APAF1: variants seen among roughly 807,000 people sequenced by gnomAD.
APAF1 encodes the protein apoptotic protease-activating factor 1.
Under a neutral mutation model 152.4 loss-of-function variants are expected in APAF1, and 91 were observed. The ratio of observed to expected loss-of-function variants is 0.60; its 90% CI spans 0.50 to 0.71. The LOEUF (loss-of-function observed/expected upper bound fraction) is 0.71, where lower values mean the gene tolerates loss of function less well. APAF1 is among the 30% of genes least tolerant of loss of function. The pLI, the probability that APAF1 is intolerant of heterozygous loss-of-function variation, is 0.00. For synonymous variants in APAF1, 484 were observed against 494.1 expected (o/e 0.98, Z 0.27); for missense variants, 1,283 against 1,472.0 (o/e 0.87, Z 2.10).
chr12:98,674,480 C>G (rs1037111625), intron 12 of APAF1, among the ~76,000 whole-genome samples: 4 of 152,106 alleles, frequency 2.6e-5, no homozygotes, highest in Admixed American at 6.5e-5. Flanking sequence ...AGCCCCCTAA[C>G]TTACTGAAGC....
rs767120982 is a variant in APAF1, at chr12:98,680,354, T to C, written c.1998T>C (p.Ser666=). 5.0e-6 allele frequency: 8 copies of C among 1,613,670 alleles called. No individual in the cohort carries two copies. The highest frequency in any genetic ancestry group is 6.8e-6 in the Non-Finnish European group (8 of 1,179,888). ...ATGAAGTGCTTTGTTGTGCATTCTC[T>C]ACAGATGACAGATTTATAGCAACCT... ...HEDEVLCCAF[S]TDDRFIATCS... The change falls in exon 14 of 27, where the codon TCT becomes TCC. Residue 666 remains serine, a synonymous_variant. Coordinates refer to ENST00000551964, the MANE Select transcript of APAF1 (RefSeq NM_181861.2).
At chr12:98,667,405 C>A in intron 9 of APAF1, 108 bp from the exon 10 acceptor site, 1 of 1,402,968 alleles carries the variant, frequency 7.1e-7, no homozygotes, top group Non-Finnish European at 9.9e-7. Flanking sequence ...CGTGAGCCAC[C>A]GAGCCCGGCC....
intron 14 of APAF1, among the ~76,000 whole-genome samples, chr12:98,682,483 C>T (rs537591924): frequency 1.6e-4 from 24 of 152,286 alleles, no homozygotes; most frequent in Non-Finnish European, 2.9e-4. Flanking sequence ...CAGAAGAGGA[C>T]GCAGATTCAG....
At position 98,703,397 on chromosome 12, in the gene APAF1, A is replaced by G. The variant is rs780671464; in HGVS notation, c.2493A>G (p.Leu831=). 16 of 1,614,130 alleles carry G rather than the reference A, an allele frequency of 9.9e-6. No homozygotes were observed. Among genetic ancestry groups the G allele is most frequent in the South Asian group, 5.5e-5 (5 of 91,082 alleles). ...TTTTTGACATTCATACTAGTGGCCTATTGGGAGAAATCCACACGGGCCATC... is the reference window on the plus strand; with the variant it reads ...TTTTTGACATTCATACTAGTGGCCTGTTGGGAGAAATCCACACGGGCCATC... ...IFLFDIHTSG[L]LGEIHTGHHS... is the part of the protein sequence containing the mutation. The change falls in exon 18 of 27, where the codon CTA becomes CTG. Residue 831 remains leucine (L), a synonymous_variant. Coordinates refer to ENST00000551964, the MANE Select transcript of APAF1 (RefSeq NM_181861.2).
chr12:98,687,694 T>C (rs377482193), intron 16 of APAF1, among the ~76,000 whole-genome samples: 5 of 152,276 alleles, frequency 3.3e-5, no homozygotes, highest in East Asian at 1.9e-4. Context: ...CTAATCACTT[T>C]TGAAGGTCCC....
chr12:98,686,861 T>C lies in APAF1; in HGVS notation c.2292T>C (p.Asp764=). ...DDKLLASCSA[D]GTLKLWDATS... ...AGCTTTTGGCTAGTTGTTCAGCTGATGGAACCTTAAAGGTATGCTTTTGTA... is the reference window on the plus strand; with the variant it reads ...AGCTTTTGGCTAGTTGTTCAGCTGACGGAACCTTAAAGGTATGCTTTTGTA... Residue 764 remains aspartate (D), a synonymous_variant, in exon 16 of 27, where the codon GAT becomes GAC. Coordinates refer to ENST00000551964, the MANE Select transcript of APAF1 (RefSeq NM_181861.2). The C allele has an allele frequency of 6.2e-7, 1 of 1,614,060 alleles. No homozygotes were observed. The highest frequency in any genetic ancestry group is 8.5e-7 in the Non-Finnish European group (1 of 1,179,970).
At chr12:98,699,079 C>T (rs1347960583) in intron 16 of APAF1, among the ~76,000 whole-genome samples, 3 of 152,166 alleles carry the variant, frequency 2.0e-5, no homozygotes, top group Non-Finnish European at 4.4e-5. Context: ...AGTGGCAAGT[C>T]GTGAGTCTCT....
chr12:98,675,358 C>T (rs1449808952), intron 12 of APAF1, among the ~76,000 whole-genome samples: 2 of 152,140 alleles, frequency 1.3e-5, no homozygotes, highest in Non-Finnish European at 2.9e-5. Context: ...ATCAAGCAGA[C>T]ATAAAGAACA....
chr12:98,678,737 C>T (rs2097689194), intron 13 of APAF1, among the ~76,000 whole-genome samples: 1 of 152,214 alleles, frequency 6.6e-6, no homozygotes, highest in Non-Finnish European at 1.5e-5. Flanking sequence ...TGTTGGCACC[C>T]ACTCTGATCT....
At chr12:98,703,524 AAGCCTG>A in intron 18 of APAF1, 25 bp downstream of exon 18, 1 of 1,613,926 alleles carries the variant, frequency 6.2e-7, no homozygotes, top group South Asian at 1.1e-5. Context: ...TTATTCTGTG[AAGCCTG>A]GGTTTCCAGA....
chr12:98,732,372 C>T, intron 26 of APAF1, 48 bp from the exon 27 acceptor site: 1 of 1,554,464 alleles, frequency 6.4e-7, no homozygotes, highest in Non-Finnish European at 8.9e-7. Context: ...TAAATTGTCA[C>T]ACAGTGTAAT....
chr12:98,705,094 T>C (rs2097719979), intron 18 of APAF1, among the ~76,000 whole-genome samples: 1 of 152,050 alleles, frequency 6.6e-6, no homozygotes, highest in Non-Finnish European at 1.5e-5. Flanking sequence ...TCTTGAACCT[T>C]ATGTGTAGAT....
intron 15 of APAF1, among the ~76,000 whole-genome samples, chr12:98,686,087 T>C (rs1042929190): frequency 1.3e-5 from 2 of 152,248 alleles, no homozygotes; most frequent in Non-Finnish European, 2.9e-5. Flanking sequence ...TTTTGTAATA[T>C]ACTTGGTCCA....
At position 98,669,092 on chromosome 12, in the gene APAF1, A is replaced by G. The variant is rs76370671; in HGVS notation, c.1494+1448A>G. On this transcript the variant is annotated intron_variant, in intron 10 of 26. Transcript: ENST00000551964. ...ATCTAGCAAAATATATTTACATTTA[A>G]TAGTGTATATTGGAATGATGGTATT... 2.3e-3 allele frequency among the ~76,000 whole-genome samples: 351 copies of G among 152,340 alleles called. 16 individuals carry two copies. In the East Asian group the frequency reaches 0.063, roughly 27 times the overall value.
intron 17 of APAF1, among the ~76,000 whole-genome samples, chr12:98,700,602 T>C (rs1468240867): frequency 6.6e-6 from 1 of 152,222 alleles, no homozygotes; most frequent in Non-Finnish European, 1.5e-5. Context: ...TAAAACTTTT[T>C]TATTGTGATA....
intron 16 of APAF1, 115 bp downstream of exon 16, chr12:98,686,988 A>T: frequency 9.6e-7 from 1 of 1,042,160 alleles, no homozygotes; most frequent in Non-Finnish European, 1.4e-6. Flanking sequence ...TGCTTCTTTC[A>T]ATTTCCAGGA....
chr12:98,695,361 C>T (rs1424083002), intron 16 of APAF1, among the ~76,000 whole-genome samples: 1 of 149,226 alleles, frequency 6.7e-6, no homozygotes, highest in Non-Finnish European at 1.5e-5. Flanking sequence ...CCGCCCCCCC[C>T]CTTTTTTTTT....
chr12:98,649,729 A>G (rs746245652), intron 4 of APAF1, 45 bp downstream of exon 4: 4 of 1,512,956 alleles, frequency 2.6e-6, no homozygotes, highest in Admixed American at 1.8e-5. Context: ...GTAGATAGAC[A>G]TGTAAAAATA....
intron 5 of APAF1, among the ~76,000 whole-genome samples, chr12:98,660,540 TCA>T (rs1009473432): frequency 6.6e-6 from 1 of 152,200 alleles, no homozygotes; most frequent in African/African-American, 2.4e-5. Flanking sequence ...ATCAAGTGTT[TCA>T]CAGTTTTCAT....
Sources: allele counts gnomAD v4.1 joint callset (sites outside exome capture counted in the v4.1 genomes callset), GRCh38; gene constraint gnomAD v4.1.1; transcripts MANE v1.5; gene names NCBI Gene and HGNC (gene_info 2026-07-23, HGNC 2026-07-21).